The following THRAP3 variants were observed in gnomAD, a reference collection of about 807,000 sequenced individuals.
THRAP3 encodes the protein thyroid hormone receptor-associated protein 3.
In THRAP3, 16 loss-of-function variants were observed where a neutral mutation model predicts 101.0. The observed-to-expected ratio is 0.16, with a 90% CI of 0.11 to 0.24. THRAP3 has a LOEUF of 0.24. Ranked by LOEUF, THRAP3 falls within the 10% of genes least tolerant of loss-of-function variation. The pLI, the probability that THRAP3 is intolerant of heterozygous loss-of-function variation, is 1.00. For missense variants in THRAP3, 989 were observed against 1,202.7 expected (o/e 0.82, Z 2.63); for synonymous variants, 407 against 422.6 (o/e 0.96, Z 0.45).
chr1:36,220,879 C>CG (rs1260804816), upstream of THRAP3, among the ~76,000 whole-genome samples: 3 of 145,282 alleles, frequency 2.1e-5, no homozygotes, highest in Non-Finnish European at 4.5e-5. Flanking sequence ...CGCTTGAACC[C>CG]GGGGGCGCAG....
chr1:36,287,929 G>C, intron 4 of THRAP3: 1 of 985,084 alleles, frequency 1.0e-6, no homozygotes, highest in Admixed American at 6.1e-5. Flanking sequence ...TGGCAGAGAG[G>C]TTACAGGGAA....
chr1:36,221,731 G>A (rs1274593804), upstream of THRAP3, among the ~76,000 whole-genome samples: 6 of 151,888 alleles, frequency 4.0e-5, no homozygotes, highest in African/African-American at 1.5e-4. Context: ...TTACAGGCAT[G>A]TGCCACCACG....
intron 2 of THRAP3, among the ~76,000 whole-genome samples, chr1:36,280,878 G>A (rs962125059): frequency 6.6e-6 from 1 of 150,992 alleles, no homozygotes; most frequent in Non-Finnish European, 1.5e-5. Flanking sequence ...AAGACTATTT[G>A]TTTCTTGGTG....
In THRAP3 at chr1:36,289,668, C is replaced by T. The variant is rs770183560; in HGVS notation, c.1649C>T (p.Ala550Val). The T allele has an allele frequency of 4.3e-6, 7 of 1,614,164 alleles. No homozygotes were observed. Among genetic ancestry groups the T allele is most frequent in the East Asian group, 2.2e-5 (1 of 44,888 alleles). ...KTSESRDKLGAKGDFPTGKSS... is the reference protein window; with the variant it reads ...KTSESRDKLGVKGDFPTGKSS... ...TCTGAGAGCCGAGACAAGCTGGGAG[C>T]GAAAGGAGATTTTCCCACAGGAAAG... The change falls in exon 5 of 12, where the codon GCG (alanine) becomes GTG (valine). Residue 550 changes from alanine (A) to valine (V), a missense_variant. Physicochemically the swap from Ala to Val is moderately conservative, Grantham distance 64 (BLOSUM62 0). Coordinates refer to ENST00000354618, the MANE Select transcript of THRAP3 (RefSeq NM_005119.4).
chr1:36,220,972 A>AAAAAATAT (rs1285765741), upstream of THRAP3, among the ~76,000 whole-genome samples: 4 of 94,142 alleles, frequency 4.2e-5, no homozygotes, highest in African/African-American at 1.9e-4. Flanking sequence ...AAAAAAAAAA[A>AAAAAATAT]ATATATATAT....
intron 9 of THRAP3, among the ~76,000 whole-genome samples, chr1:36,298,569 C>T (rs554279715): frequency 5.9e-5 from 9 of 151,694 alleles, no homozygotes; most frequent in South Asian, 2.1e-4. Context: ...TCATAGCTCA[C>T]GGCATCCTTG....
intron 1 of THRAP3, among the ~76,000 whole-genome samples, chr1:36,243,408 C>T (rs1306413719): frequency 6.6e-6 from 1 of 151,720 alleles, no homozygotes; most frequent in Admixed American, 6.6e-5. Context: ...TCTTAAGGAG[C>T]ATGCTGCCTT....
At chr1:36,233,806 C>T (rs1645055746) in intron 1 of THRAP3, among the ~76,000 whole-genome samples, 1 of 152,040 alleles carries the variant, frequency 6.6e-6, no homozygotes, top group Non-Finnish European at 1.5e-5. Context: ...ATTCAAAACC[C>T]ATTCTATCAA....
At chr1:36,234,807 CTTTTTTT>C (rs35278020) in intron 1 of THRAP3, among the ~76,000 whole-genome samples, 8 of 72,438 alleles carry the variant, frequency 1.1e-4, no homozygotes, top group South Asian at 1.3e-3. Context: ...CTGTTTCAGT[CTTTTTTT>C]TTTTTTTTTT....
intron 2 of THRAP3, among the ~76,000 whole-genome samples, chr1:36,279,119 A>G (rs939856321): frequency 2.0e-5 from 3 of 152,128 alleles, no homozygotes; most frequent in South Asian, 4.1e-4. Flanking sequence ...TTGTATTTAC[A>G]TGGCAGCTTT....
At chr1:36,216,297 C>T in the THRAP3 span, among the ~76,000 whole-genome samples, 2 of 151,576 alleles carry the variant, frequency 1.3e-5, no homozygotes, top group Admixed American at 1.3e-4. Context: ...AGGTGGGTGG[C>T]TCACCTGAGG....
chr1:36,264,817 A>C (rs891753983), intron 2 of THRAP3, among the ~76,000 whole-genome samples: 1 of 152,142 alleles, frequency 6.6e-6, no homozygotes, highest in African/African-American at 2.4e-5. Context: ...TATATTTGCT[A>C]GGGCTGCTAT....
the THRAP3 span, among the ~76,000 whole-genome samples, chr1:36,211,014 C>T: frequency 6.7e-6 from 1 of 150,036 alleles, no homozygotes; most frequent in Admixed American, 6.7e-5. Context: ...GAGTTTGAAA[C>T]CAGCCTGGGC....
At chr1:36,247,469 C>T (rs1212422250) in intron 1 of THRAP3, among the ~76,000 whole-genome samples, 3 of 152,032 alleles carry the variant, frequency 2.0e-5, no homozygotes, top group Admixed American at 1.3e-4. Context: ...GGATTACAGG[C>T]GTGTGCCACC....
chr1:36,215,381 T>C, the THRAP3 span, among the ~76,000 whole-genome samples: 1 of 152,174 alleles, frequency 6.6e-6, no homozygotes, highest in African/African-American at 2.4e-5. Context: ...CCAGAGTCAA[T>C]GGCAGACCTA....
chr1:36,231,724 A>G (rs1645029796), intron 1 of THRAP3, among the ~76,000 whole-genome samples: 2 of 152,148 alleles, frequency 1.3e-5, no homozygotes. Context: ...AAAGTTAACG[A>G]GGAAGTTTCT....
intron 1 of THRAP3, among the ~76,000 whole-genome samples, chr1:36,227,265 A>G (rs1408225302): frequency 1.3e-5 from 2 of 152,116 alleles, no homozygotes; most frequent in Non-Finnish European, 2.9e-5. Flanking sequence ...ATAGACACAT[A>G]CATATATAAC....
chr1:36,294,718 C>T (rs776736817), intron 8 of THRAP3, among the ~76,000 whole-genome samples: 5 of 152,164 alleles, frequency 3.3e-5, no homozygotes, highest in Admixed American at 2.6e-4. Context: ...TTTCCTCCTC[C>T]GAGTACCCCT....
Position 36,286,932 on chromosome 1 carries a change from A to C in THRAP3, c.702A>C (p.Ser234=). The change falls in exon 4 of 12, where the codon TCA becomes TCC. Residue 234 remains serine (S), a synonymous_variant. Transcript: ENST00000354618. This position sits in a 1 kb window ranked among gnomAD's most constrained non-coding sequence, Gnocchi z 5.5. ...PDATYGTGSA[S]RASAVSELSP... ...CCACCTACGGCACTGGTTCTGCATC[A>C]CGGGCCTCAGCAGTTTCTGAGCTGA... 3 of 1,614,168 alleles carry C rather than the reference A, an allele frequency of 1.9e-6. No homozygotes were observed. Among genetic ancestry groups the C allele is most frequent in the Non-Finnish European group, 2.5e-6 (3 of 1,180,028 alleles).
Sources: allele counts gnomAD v4.1 joint callset (sites outside exome capture counted in the v4.1 genomes callset), GRCh38; gene constraint gnomAD v4.1.1; non-coding constraint Gnocchi (gnomAD v3.1); transcripts MANE v1.5; gene names NCBI Gene and HGNC (gene_info 2026-07-23, HGNC 2026-07-21).